The following IBSP variants were observed in gnomAD, a reference collection of about 807,000 sequenced individuals.
IBSP encodes integrin binding sialoprotein.
A neutral mutation model predicts 25.5 loss-of-function variants in IBSP; 19 were observed. The ratio of observed to expected loss-of-function variants is 0.74; its 90% CI spans 0.52 to 1.09. The LOEUF (loss-of-function observed/expected upper bound fraction) is 1.09, where lower values mean the gene tolerates loss of function less well. Ranked by LOEUF, IBSP falls within the 50% of genes least tolerant of loss-of-function variation. The pLI, the probability that IBSP is intolerant of heterozygous loss-of-function variation, is 0.00. For missense variants in IBSP, 360 were observed against 382.3 expected, an observed-to-expected ratio of 0.94 and a Z score of 0.49; for synonymous variants, 144 against 137.6, an observed-to-expected ratio of 1.05 and a Z score of -0.33.
chr4:87,809,134 A>G (rs749446488), intron 5 of IBSP, among the ~76,000 whole-genome samples: 13 of 152,152 alleles, frequency 8.5e-5, no homozygotes, highest in Non-Finnish European at 1.8e-4. Context: ...TTGTTAGCCA[A>G]TCTAGTGAGT....
chr4:87,801,123 C>A (rs1460043455), intron 1 of IBSP, among the ~76,000 whole-genome samples: 2 of 152,090 alleles, frequency 1.3e-5, no homozygotes, highest in African/African-American at 4.8e-5. Flanking sequence ...AACTGAGGCT[C>A]TTTTTATGGC....
At position 87,811,415 on chromosome 4, in the gene IBSP, A is replaced by G. The variant is rs559131358; in HGVS notation, c.459A>G (p.Glu153=). Residue 153 remains glutamate (E), a synonymous_variant, in exon 7 of 7, where the codon GAA becomes GAG. Transcript: ENST00000226284. The stretch of plus-strand genomic sequence containing the variant: ...AAGAGAAGGAAAGTGATGAAGAAGA[A>G]GAGGAGGAAGAGGAAGGAAATGAAA... ...ATKEKESDEE[E]EEEEEGNENE... 1.2e-6 allele frequency: 2 copies of G among 1,613,306 alleles called. No individual in the cohort carries two copies. Among genetic ancestry groups the G allele is most frequent in the African/African-American group, 1.3e-5 (1 of 74,976 alleles).
Position 87,802,677 on chromosome 4 carries a change from T to C in IBSP, c.129T>C (p.Tyr43=), listed in dbSNP as rs775079806. 1 of 1,572,536 alleles carries C rather than the reference T, an allele frequency of 6.4e-7. No homozygotes were observed. Among genetic ancestry groups the C allele is most frequent in the African/African-American group, 1.4e-5 (1 of 72,768 alleles). ...ENGVFKYRPR[Y]YLYKHAYFYP... ...AGGTCTTTAAGTACAGGCCACGATA[T>C]TATCTTTACAAGCATGCCTACTTTT... The change falls in exon 4 of 7, where the codon TAT becomes TAC. Residue 43 remains tyrosine, a synonymous_variant. Coordinates refer to ENST00000226284, the MANE Select transcript of IBSP (RefSeq NM_004967.4).
intron 5 of IBSP, among the ~76,000 whole-genome samples, chr4:87,809,143 G>C (rs1401573324): frequency 2.0e-5 from 3 of 152,120 alleles, no homozygotes; most frequent in Non-Finnish European, 4.4e-5. Context: ...AATCTAGTGA[G>C]TTGATAATAT....
At chr4:87,800,315 G>A (rs1721995733) in intron 1 of IBSP, among the ~76,000 whole-genome samples, 1 of 151,912 alleles carries the variant, frequency 6.6e-6, no homozygotes, top group Non-Finnish European at 1.5e-5. Flanking sequence ...GAACTACTTG[G>A]TTCTTTGTAT....
chr4:87,810,909 C>T (rs1344019017), intron 6 of IBSP, 145 bp downstream of exon 6: 2 of 670,310 alleles, frequency 3.0e-6, no homozygotes, highest in Non-Finnish European at 4.8e-6. Flanking sequence ...CATTAACTCG[C>T]TGAAGTGAGA....
At position 87,811,582 on chromosome 4, in the gene IBSP, C is replaced by G. The variant is rs754509647; in HGVS notation, c.626C>G (p.Ala209Gly). Residue 209 changes from alanine to glycine, a missense_variant, in exon 7 of 7, where the codon GCC becomes GGC. By Grantham distance (60) the Ala-to-Gly change is moderately conservative (BLOSUM62 0). Coordinates refer to ENST00000226284, the MANE Select transcript of IBSP (RefSeq NM_004967.4). ...EEGEEESVTG[A>G]NAEDTTETGR... is the part of the protein sequence containing the mutation. ...GGGGAAGAAGAAAGTGTCACTGGAG[C>G]CAATGCAGAAGACACCACAGAGACC... The G allele has an allele frequency of 5.0e-6, 8 of 1,613,544 alleles. No individual in the cohort carries two copies. The Admixed American group carries it at 1.3e-4, about 27-fold the overall frequency.
At chr4:87,801,724 G>A (rs150361549) in intron 1 of IBSP, among the ~76,000 whole-genome samples, 120 of 152,124 alleles carry the variant, frequency 7.9e-4, no homozygotes, top group South Asian at 1.2e-3. Context: ...GTATGAACAC[G>A]GCTCACTGCA....
intron 4 of IBSP, among the ~76,000 whole-genome samples, chr4:87,804,779 T>A (rs1278517876): frequency 6.6e-6 from 1 of 152,158 alleles, no homozygotes; most frequent in African/African-American, 2.4e-5. Flanking sequence ...TTTAAAGTGT[T>A]CTCACTGCAG....
At chr4:87,809,400 T>A (rs1722138163) in intron 5 of IBSP, among the ~76,000 whole-genome samples, 1 of 152,238 alleles carries the variant, frequency 6.6e-6, no homozygotes, top group South Asian at 2.1e-4. Flanking sequence ...CCAATCAGAT[T>A]TTTCAACTGC....
At chr4:87,809,551 C>T (rs1025038401) in intron 5 of IBSP, among the ~76,000 whole-genome samples, 1 of 152,088 alleles carries the variant, frequency 6.6e-6, no homozygotes, top group African/African-American at 2.4e-5. Flanking sequence ...ATATTTGACA[C>T]AATTAGCTTG....
chr4:87,808,594 T>C lies in IBSP; in HGVS notation c.247-2012T>C, dbSNP rs746239354. 5.3e-5 allele frequency among the ~76,000 whole-genome samples: 8 copies of C among 152,186 alleles called. 1 individual carries two copies. Among genetic ancestry groups the C allele is most frequent in the Non-Finnish European group, 1.2e-4 (8 of 68,036 alleles). The stretch of plus-strand genomic sequence containing the variant: ...AACTAGCACTCATATCAAAAAGCAG[T>C]GCGTGCCTTGTGTTCCATTCCACTC... On this transcript the variant is annotated intron_variant, in intron 5 of 6. Transcript: ENST00000226284.
intron 5 of IBSP, among the ~76,000 whole-genome samples, chr4:87,807,016 A>AT (rs1266974453): frequency 6.6e-6 from 1 of 152,048 alleles, no homozygotes; most frequent in Non-Finnish European, 1.5e-5. Flanking sequence ...GAAAAAAAAA[A>AT]CAAAAACAAC....
chr4:87,803,175 C>T (rs1156856174), intron 4 of IBSP, among the ~76,000 whole-genome samples: 2 of 152,120 alleles, frequency 1.3e-5, no homozygotes, highest in African/African-American at 4.8e-5. Context: ...ACTTCATAAA[C>T]ATCAGAGGCC....
chr4:87,810,002 C>T (rs970720682), intron 5 of IBSP, among the ~76,000 whole-genome samples: 3 of 152,112 alleles, frequency 2.0e-5, no homozygotes, highest in Admixed American at 6.6e-5. Context: ...GAGGTTGAGG[C>T]GGGCAGATCA....
At chr4:87,806,259 C>A in intron 5 of IBSP, 75 bp downstream of exon 5, 1 of 1,094,892 alleles carries the variant, frequency 9.1e-7, no homozygotes, top group Non-Finnish European at 1.4e-6. Context: ...CTATTGCATT[C>A]TGGACTCAGC....
intron 5 of IBSP, among the ~76,000 whole-genome samples, chr4:87,807,348 G>A (rs1285674576): frequency 6.6e-6 from 1 of 151,888 alleles, no homozygotes; most frequent in African/African-American, 2.4e-5. Context: ...AAAATGGTGT[G>A]GGAACTTGAA....
chr4:87,805,081 T>C (rs1391261683), intron 4 of IBSP, among the ~76,000 whole-genome samples: 1 of 152,166 alleles, frequency 6.6e-6, no homozygotes, highest in Non-Finnish European at 1.5e-5. Context: ...TTCCCTTTCC[T>C]TGGGTGGATG....
chr4:87,811,871 C>T lies in IBSP; in HGVS notation c.915C>T (p.Tyr305=), dbSNP rs141863190. ...DEYSYFKGQG[Y]DGYDGQNYYH... Reference sequence around the variant, plus strand: ...ACAGCTACTTTAAAGGACAAGGCTACGATGGCTATGATGGTCAGAATTACT... The same window carrying T: ...ACAGCTACTTTAAAGGACAAGGCTATGATGGCTATGATGGTCAGAATTACT... Residue 305 remains tyrosine, a synonymous_variant, in exon 7 of 7, where the codon TAC becomes TAT. Coordinates refer to ENST00000226284, the MANE Select transcript of IBSP (RefSeq NM_004967.4). 1.9e-3 allele frequency: 2,969 copies of T among 1,553,460 alleles called. 5 individuals carry two copies. The highest frequency in any genetic ancestry group is 2.4e-3 in the Non-Finnish European group (2,783 of 1,149,736).
Sources: gnomAD v4.1 joint callset for allele counts (sites outside exome capture counted in the v4.1 genomes callset) on GRCh38, gnomAD v4.1.1 for gene constraint, MANE v1.5 for transcripts, NCBI Gene and HGNC (gene_info 2026-07-23, HGNC 2026-07-21) for gene names.